The following NSMF variants were observed in gnomAD, a reference collection of about 807,000 sequenced individuals.
NSMF encodes the protein nasal embryonic LHRH factor.
A neutral mutation model predicts 71.0 loss-of-function variants in NSMF; 31 were observed. That is an observed-to-expected ratio of 0.44 (90% CI 0.33 to 0.59). The LOEUF (loss-of-function observed/expected upper bound fraction) is 0.59. Among genes scored for constraint, NSMF ranks in the 20% least tolerant of loss-of-function variants. The pLI, the probability that NSMF is intolerant of heterozygous loss-of-function variation, is 0.04. For missense variants in NSMF, 673 were observed against 740.5 expected (o/e 0.91, Z 1.06); for synonymous variants, 345 against 287.1 (o/e 1.20, Z -2.04).
rs1359133904 is a variant in NSMF at position 137,450,236 on chromosome 9, T to C, written c.1256A>G (p.Tyr419Cys). Residue 419 changes from tyrosine to cysteine, a missense_variant, in exon 13 of 16, where the codon TAT becomes TGT. Around this residue, in one of 2 missense-constraint regions of NSMF, gnomAD observed 202 missense variants for 280.8 expected, o/e 0.72. Coordinates refer to ENST00000371475, the MANE Select transcript of NSMF (RefSeq NM_001130969.3). ...GGTGGCCACCTTGTTCTTGAGGAGA[T>C]AGAGGTGTCCAGGACCTCCCTGTAA... ...IFCQGGPGHLYLLKNKVATFA... is the reference protein window; with the variant it reads ...IFCQGGPGHLCLLKNKVATFA... 1.2e-6 allele frequency: 2 copies of C among 1,613,358 alleles called. No homozygotes were observed. The highest frequency in any genetic ancestry group is 1.7e-5 in the Admixed American group (1 of 60,008).
intron 5 of NSMF, 143 bp downstream of exon 5, chr9:137,455,486 G>A (rs1162663587): frequency 5.1e-6 from 6 of 1,175,892 alleles, no homozygotes; most frequent in Admixed American, 4.0e-5. Context: ...CTGCGACCTC[G>A]GTGCCCGCTG....
At chr9:137,458,893 A>G in intron 1 of NSMF, 139 bp downstream of exon 1, 1 of 663,246 alleles carries the variant, frequency 1.5e-6, no homozygotes, top group East Asian at 3.4e-5. Flanking sequence ...AGGAAGAGGG[A>G]GGCGCGGGGC....
rs1042735555 is a variant in NSMF, at chr9:137,453,451, G to A, written c.923-271C>T. On this transcript the variant is annotated intron_variant, in intron 8 of 15. Coordinates refer to ENST00000371475, the MANE Select transcript of NSMF (RefSeq NM_001130969.3). The surrounding 1 kb of genome is among the most constrained non-coding windows in gnomAD (Gnocchi z 4.5). Reference sequence around the variant, plus strand: ...GCCAAGTCCGCCGGGCGCCTGGGAGGGAGTGGGGGCGGGCACCGCAGCCCC... The same window carrying A: ...GCCAAGTCCGCCGGGCGCCTGGGAGAGAGTGGGGGCGGGCACCGCAGCCCC... 3.3e-6 allele frequency: 2 copies of A among 605,454 alleles called. No individual in the cohort carries two copies. The allele number at this position is 605,454 out of a possible 1,614,324, so 37.5% of individuals were successfully genotyped here.
intron 12 of NSMF, among the ~76,000 whole-genome samples, chr9:137,450,988 GCCACGTCTCTTCCCCTTGATCTCCCCCA>G (rs1830486197): frequency 9.0e-5 from 1 of 11,066 alleles, no homozygotes; most frequent in African/African-American, 6.9e-4. Context: ...GATCTCCCCT[GCCACGTCTCTTCCCCTTGATCTCCCCCA>G]CCACGTCTCT....
At position 137,449,298 on chromosome 9, in the gene NSMF, G is replaced by T; in HGVS notation, c.*96C>A. 1 of 1,055,454 alleles carries T rather than the reference G, an allele frequency of 9.5e-7. No homozygotes were observed. Among genetic ancestry groups the T allele is most frequent in the Non-Finnish European group, 1.4e-6 (1 of 695,928 alleles). 65.4% of individuals were successfully genotyped at this position (1,055,454 alleles called of 1,614,324 possible). ...CCCTGAAGTGGCTCCAGGCGAGACC[G>T]GAGCCACACAGTCCCGGGGAGCACG... On this transcript the variant is annotated 3_prime_UTR_variant, in exon 16 of 16. Transcript: ENST00000371475.
Position 137,449,403 on chromosome 9 carries a change from G to T in NSMF, c.1584C>A (p.Asp528Glu), listed in dbSNP as rs759671624. 8 of 1,612,396 alleles carry T rather than the reference G, an allele frequency of 5.0e-6. No individual in the cohort carries two copies. The African/African-American group carries it at 1.1e-4, about 22-fold the overall frequency. Residue 528 changes from aspartate (D) to glutamate (E), a missense_variant, in exon 16 of 16, where the codon GAC (aspartate) becomes GAA (glutamate). Asp to Glu is a conservative substitution (Grantham distance 45, BLOSUM62 2). Transcript: ENST00000371475. The stretch of plus-strand genomic sequence containing the variant: ...CGGAGGCCTCTGCCCCTCACAGGAC[G>T]TCGTCAAAGTCCAGCAGCTTCGAGT... ...RQHSKLLDFD[D>E]VL
intron 13 of NSMF, 73 bp from the exon 14 acceptor site, chr9:137,450,098 G>A (rs938727898): frequency 1.3e-6 from 2 of 1,585,046 alleles, no homozygotes; most frequent in Non-Finnish European, 1.7e-6. Context: ...CGTGGAGGAG[G>A]GGCTGTGGGG....
At chr9:137,457,934 C>T in intron 2 of NSMF, 33 bp from the exon 3 acceptor site, 1 of 1,536,718 alleles carries the variant, frequency 6.5e-7, no homozygotes, top group Non-Finnish European at 8.7e-7. Context: ...CTGCCTGCCG[C>T]GTGTGGGCCC....
At chr9:137,455,511 A>T in intron 5 of NSMF, 118 bp downstream of exon 5, 1 of 1,289,120 alleles carries the variant, frequency 7.8e-7, no homozygotes, top group Non-Finnish European at 1.1e-6. Flanking sequence ...CCAGGCCCGC[A>T]GAGAGCGGCA....
Position 137,457,486 on chromosome 9 carries a change from C to G in NSMF, c.549G>C (p.Gly183=), listed in dbSNP as rs1830896450. Residue 183 remains glycine (G), a synonymous_variant, in exon 3 of 16, where the codon GGG becomes GGC. Coordinates refer to ENST00000371475, the MANE Select transcript of NSMF (RefSeq NM_001130969.3). ...LAPGPTPRAF[G]LDQPPLPETS... The stretch of plus-strand genomic sequence containing the variant: ...TCTCAGGCAGAGGTGGCTGGTCCAG[C>G]CCAAAGGCCCGAGGGGTGGGGCCAG... 6.2e-7 allele frequency: 1 copy of G among 1,612,484 alleles called. No homozygotes were observed. Among genetic ancestry groups the G allele is most frequent in the South Asian group, 1.1e-5 (1 of 91,042 alleles).
Position 137,457,858 on chromosome 9 carries a change from G to C in NSMF, c.177C>G (p.Pro59=). The change falls in exon 3 of 16, where the codon CCC becomes CCG. Residue 59 remains proline, a synonymous_variant. Coordinates refer to ENST00000371475, the MANE Select transcript of NSMF (RefSeq NM_001130969.3). The stretch of plus-strand genomic sequence containing the variant: ...TGTTCTGGGGGGCCGGCTGCATCTC[G>C]GGGGACCCGTCGTGGCCAGAGTAGG... The part of the protein sequence containing the change: ...ADAYSGHDGS[P]EMQPAPQNKR... The C allele has an allele frequency of 6.4e-7, 1 of 1,551,590 alleles. No individual in the cohort carries two copies. The highest frequency in any genetic ancestry group is 8.7e-7 in the Non-Finnish European group (1 of 1,149,334).
chr9:137,457,337 C>A (rs1830885333), intron 3 of NSMF, 70 bp downstream of exon 3: 1 of 1,598,086 alleles, frequency 6.3e-7, no homozygotes. Flanking sequence ...CTCACAGTGG[C>A]TGCTGCTGTC....
At position 137,448,206 on chromosome 9, in the gene NSMF, G is replaced by A. The variant is rs1367259469; in HGVS notation, c.*1188C>T. Reference sequence around the variant, plus strand: ...GAAGGCCCCTGGAAAGCACTGAGAGGACAGACCCACGCGGCGGCCGCGGTG... The same window carrying A: ...GAAGGCCCCTGGAAAGCACTGAGAGAACAGACCCACGCGGCGGCCGCGGTG... On this transcript the variant is annotated 3_prime_UTR_variant, in exon 16 of 16. Coordinates refer to ENST00000371475, the MANE Select transcript of NSMF (RefSeq NM_001130969.3). The surrounding 1 kb of genome is among the most constrained non-coding windows in gnomAD (Gnocchi z 5.3). 2.6e-5 allele frequency: 4 copies of A among 152,848 alleles called. No homozygotes were observed. Among genetic ancestry groups the A allele is most frequent in the African/African-American group, 4.8e-5 (2 of 41,566 alleles). The allele number at this position is 152,848 out of a possible 1,614,324, so 9.5% of individuals were successfully genotyped here. A position where few individuals can be genotyped will look rare whatever the true frequency, so the allele number is the denominator to read the frequency against.
chr9:137,454,522 A>C (rs1179359811), intron 6 of NSMF, 79 bp from the exon 7 acceptor site: 11 of 1,549,246 alleles, frequency 7.1e-6, no homozygotes, highest in Non-Finnish European at 8.7e-6. Context: ...CCGTCGGGTC[A>C]TGGCTCTACT....
At chr9:137,457,325 G>A in intron 3 of NSMF, 82 bp downstream of exon 3, 2 of 1,582,568 alleles carry the variant, frequency 1.3e-6, no homozygotes, top group Non-Finnish European at 1.7e-6. Context: ...TCTGTTCCAA[G>A]CCTCACAGTG....
intron 3 of NSMF, among the ~76,000 whole-genome samples, 164 bp from the exon 4 acceptor site, chr9:137,456,650 G>A (rs1639539913): frequency 1.3e-5 from 2 of 152,190 alleles, no homozygotes; most frequent in African/African-American, 4.8e-5. Context: ...AGAGGGCAGT[G>A]CTCGAATGTC....
At chr9:137,450,105 G>A in intron 13 of NSMF, 71 bp downstream of exon 13, 1 of 1,583,910 alleles carries the variant, frequency 6.3e-7, no homozygotes, top group Middle Eastern at 1.7e-4. Context: ...GAGGGGCTGT[G>A]GGGGAGGGAC....
chr9:137,452,786 T>C lies in NSMF; in HGVS notation c.1081A>G (p.Ile361Val). The change falls in exon 10 of 16, where the codon ATC becomes GTC. Residue 361 changes from isoleucine (I) to valine (V), a missense_variant. By Grantham distance (29) the Ile-to-Val change is conservative (BLOSUM62 3). Coordinates refer to ENST00000371475, the MANE Select transcript of NSMF (RefSeq NM_001130969.3). ...TCATCCCGGCGGATGATAGTGGGGA[T>C]GTACTCAGCCTTGGGCACCTTGGAG... is the stretch of plus-strand genomic sequence containing the variant. Reference protein sequence around the residue: ...ISSKVPKAEYIPTIIRRDDPS... With the variant: ...ISSKVPKAEYVPTIIRRDDPS... 6.8e-6 allele frequency: 11 copies of C among 1,606,744 alleles called. No individual in the cohort carries two copies. Among genetic ancestry groups the C allele is most frequent in the Non-Finnish European group, 9.3e-6 (11 of 1,177,780 alleles).
rs1237721139 is a variant in NSMF, at chr9:137,449,210, C to T, written c.*184G>A. On this transcript the variant is annotated 3_prime_UTR_variant, in exon 16 of 16. Coordinates refer to ENST00000371475, the MANE Select transcript of NSMF (RefSeq NM_001130969.3). ...TCCCGGCCCCCAGGGACTGCAGCCT[C>T]TGCGGCCACGGGTGCAGCGAGGACC... 1.6e-6 allele frequency: 1 copy of T among 625,742 alleles called. No individual in the cohort carries two copies. Among genetic ancestry groups the T allele is most frequent in the African/African-American group, 1.8e-5 (1 of 54,870 alleles). 38.8% of individuals were successfully genotyped at this position (625,742 alleles called of 1,614,324 possible).
Sources: gnomAD v4.1 joint callset for allele counts (sites outside exome capture counted in the v4.1 genomes callset) on GRCh38, gnomAD v4.1.1 for gene constraint, gnomAD v4.1.1 regional missense constraint, Gnocchi (gnomAD v3.1) non-coding constraint, MANE v1.5 for transcripts, NCBI Gene and HGNC (gene_info 2026-07-23, HGNC 2026-07-21) for gene names.